The following NELL2 variants were observed in gnomAD, a reference collection of about 807,000 sequenced individuals.
NELL2 encodes the protein neural EGFL like 2.
In NELL2, 41 loss-of-function variants were observed where a neutral mutation model predicts 109.6. That is an observed-to-expected ratio of 0.37 (90% CI 0.29 to 0.49). The LOEUF is 0.49. Ranked by LOEUF, NELL2 falls within the 20% of genes least tolerant of loss-of-function variation. The pLI is 0.98. For synonymous variants in NELL2, 355 were observed against 344.7 expected (o/e 1.03, Z -0.33); for missense variants, 900 against 1,008.3 (o/e 0.89, Z 1.45).
chr12:44,684,209 C>G (rs1196863230), intron 12 of NELL2, among the ~76,000 whole-genome samples: 15 of 152,126 alleles, frequency 9.9e-5, no homozygotes, highest in African/African-American at 2.4e-4. Flanking sequence ...TTTGCATAGA[C>G]GTGTTTGTAG....
chr12:44,804,000 C>T (rs1942919449), intron 3 of NELL2, among the ~76,000 whole-genome samples: 1 of 151,858 alleles, frequency 6.6e-6, no homozygotes, highest in African/African-American at 2.4e-5. Flanking sequence ...AAGTCATTTG[C>T]AAAGCAAACA....
At chr12:44,820,285 A>G (rs1164429676) in intron 2 of NELL2, among the ~76,000 whole-genome samples, 1 of 152,196 alleles carries the variant, frequency 6.6e-6, no homozygotes, top group East Asian at 1.9e-4. Flanking sequence ...CAGAATAAAC[A>G]GGAGGGGTAG....
intron 12 of NELL2, among the ~76,000 whole-genome samples, chr12:44,687,227 G>A (rs563364863): frequency 5.3e-5 from 8 of 151,820 alleles, no homozygotes; most frequent in East Asian, 3.9e-4. Context: ...GACCCCTTGC[G>A]CTTCCCGAGT....
At chr12:44,671,003 C>T (rs558898036) in intron 12 of NELL2, among the ~76,000 whole-genome samples, 65 of 152,170 alleles carry the variant, frequency 4.3e-4, no homozygotes, top group Non-Finnish European at 7.2e-4. Flanking sequence ...ATTCCTCTAC[C>T]GATACATGGA....
intron 1 of NELL2, among the ~76,000 whole-genome samples, chr12:44,904,135 T>C (rs1434691855): frequency 6.6e-6 from 1 of 152,040 alleles, no homozygotes; most frequent in Non-Finnish European, 1.5e-5. Flanking sequence ...CTATTAAATG[T>C]CTATGACTCT....
chr12:44,644,631 C>CACACAT (rs1555190927), intron 13 of NELL2, among the ~76,000 whole-genome samples: 1 of 100,948 alleles, frequency 9.9e-6, no homozygotes, highest in East Asian at 3.0e-4. Flanking sequence ...TATATACATA[C>CACACAT]ATATATATAT....
At chr12:44,836,140 T>C (rs1168865370) in intron 2 of NELL2, among the ~76,000 whole-genome samples, 1 of 152,180 alleles carries the variant, frequency 6.6e-6, no homozygotes, top group South Asian at 2.1e-4. Context: ...GAGAGGAAAC[T>C]AAAGCAGAAG....
chr12:44,681,044 TTTTTA>T (rs1948479353), intron 12 of NELL2, among the ~76,000 whole-genome samples: 2 of 151,700 alleles, frequency 1.3e-5, no homozygotes, highest in Non-Finnish European at 1.5e-5. Context: ...ATTTTATTTA[TTTTTA>T]TTTTATTTAT....
In NELL2 at chr12:44,582,094, G is replaced by C. The variant is rs141122957; in HGVS notation, c.1663+25075C>G. On this transcript the variant is annotated intron_variant, in intron 15 of 19. Transcript: ENST00000429094. ...CAAAGAAGGTAGAGACAAGGCCATC[G>C]ATAGTAGGAGGAGGGTGGGTAAAGA... is the stretch of plus-strand genomic sequence containing the variant. Among the ~76,000 whole-genome samples, 19 of 152,294 alleles carry C rather than the reference G, an allele frequency of 1.2e-4. No homozygotes were observed. The East Asian group carries it at 3.3e-3, about 26-fold the overall frequency.
At chr12:44,861,617 C>T (rs1276832622) in intron 2 of NELL2, among the ~76,000 whole-genome samples, 2 of 152,132 alleles carry the variant, frequency 1.3e-5, no homozygotes, top group African/African-American at 2.4e-5. Flanking sequence ...ACCCTAATAC[C>T]AAGCTGGCAG....
At chr12:44,861,850 A>G (rs186545073) in intron 2 of NELL2, among the ~76,000 whole-genome samples, 56 of 152,344 alleles carry the variant, frequency 3.7e-4, no homozygotes, top group African/African-American at 1.3e-3. Flanking sequence ...CCTGGAATCT[A>G]TGAACTGGCT....
chr12:44,765,069 T>C (rs929101061), intron 9 of NELL2, among the ~76,000 whole-genome samples: 1 of 152,158 alleles, frequency 6.6e-6, no homozygotes, highest in African/African-American at 2.4e-5. Context: ...CCCATTAAAA[T>C]TTAAGCGGCA....
chr12:44,767,027 T>C (rs556551489), intron 9 of NELL2, among the ~76,000 whole-genome samples: 2 of 152,270 alleles, frequency 1.3e-5, no homozygotes, highest in South Asian at 2.1e-4. Context: ...TAATAAAACA[T>C]AATTAAATAG....
chr12:44,832,292 G>C (rs1943913352), intron 2 of NELL2, among the ~76,000 whole-genome samples: 1 of 151,794 alleles, frequency 6.6e-6, no homozygotes, highest in African/African-American at 2.4e-5. Context: ...GTCTAGAATG[G>C]AAGACCAAAA....
chr12:44,559,962 A>G (rs928127045), intron 15 of NELL2, among the ~76,000 whole-genome samples: 2 of 152,240 alleles, frequency 1.3e-5, no homozygotes, highest in African/African-American at 4.8e-5. Context: ...AAAATTGGAA[A>G]TAATAACAAA....
At chr12:44,681,166 T>C (rs1948485131) in intron 12 of NELL2, among the ~76,000 whole-genome samples, 1 of 151,082 alleles carries the variant, frequency 6.6e-6, no homozygotes. Flanking sequence ...AATATACATA[T>C]ATACACCATT....
chr12:44,573,996 C>T (rs1943968982), intron 15 of NELL2, among the ~76,000 whole-genome samples: 1 of 152,126 alleles, frequency 6.6e-6, no homozygotes, highest in Non-Finnish European at 1.5e-5. Context: ...ACCATGCAAT[C>T]CAATAACCTC....
chr12:44,777,061 A>G lies in NELL2; in HGVS notation c.743T>C (p.Leu248Ser), dbSNP rs1359342690. The G allele has an allele frequency of 6.2e-7, 1 of 1,613,910 alleles. No individual in the cohort carries two copies. Among genetic ancestry groups the G allele is most frequent in the Non-Finnish European group, 8.5e-7 (1 of 1,179,924 alleles). The change falls in exon 7 of 20, where the codon TTA becomes TCA. Residue 248 changes from leucine (L) to serine (S), a missense_variant. By Grantham distance (145) the Leu-to-Ser change is moderately radical. Around this residue, in one of 4 missense-constraint regions of NELL2, gnomAD observed 75 missense variants for 118.9 expected, o/e 0.63. Transcript: ENST00000429094. ...VQKIMELQDI[L>S]AKTSAKLSRA... ...TTTTACCTTGGCTGATGTTTTGGCT[A>G]AAATATCCTGTAGCTCCATGATTTT...
chr12:44,703,664 T>C (rs2095519408), intron 12 of NELL2, 62 bp downstream of exon 12: 3 of 1,585,226 alleles, frequency 1.9e-6, no homozygotes, highest in East Asian at 4.5e-5. Flanking sequence ...ACTTAATAAA[T>C]TTTGCATGCA....
Sources: gnomAD v4.1 joint callset for allele counts (sites outside exome capture counted in the v4.1 genomes callset) on GRCh38, gnomAD v4.1.1 for gene constraint, gnomAD v4.1.1 regional missense constraint, MANE v1.5 for transcripts, NCBI Gene and HGNC (gene_info 2026-07-23, HGNC 2026-07-21) for gene names.